PPARGC1A: variants seen among roughly 807,000 people sequenced by gnomAD.
PPARGC1A encodes peroxisome proliferator-activated receptor gamma coactivator 1-alpha.
A neutral mutation model predicts 88.7 loss-of-function variants in PPARGC1A; 25 were observed. That is an observed-to-expected ratio of 0.28 (90% CI 0.21 to 0.39). PPARGC1A has a LOEUF of 0.39. PPARGC1A is among the 10% of genes least tolerant of loss of function. The probability of loss-of-function intolerance (pLI) is 1.00; values close to 1 mark genes in which losing one functional copy is unlikely to be tolerated. For missense variants in PPARGC1A, 880 were observed against 968.7 expected (o/e 0.91, Z 1.22); for synonymous variants, 363 against 355.6 (o/e 1.02, Z -0.24).
chr4:23,901,263 G>A (rs542025800), upstream of PPARGC1A, among the ~76,000 whole-genome samples: 2 of 152,028 alleles, frequency 1.3e-5, no homozygotes, highest in South Asian at 4.2e-4. Context: ...CCAGCTACTA[G>A]GGAGGCTAAG....
At chr4:24,339,943 T>C in the PPARGC1A span, among the ~76,000 whole-genome samples, 1 of 152,106 alleles carries the variant, frequency 6.6e-6, no homozygotes, top group Non-Finnish European at 1.5e-5. Context: ...TTCACCGTGT[T>C]AGCCAGGATG....
chr4:24,187,977 A>T, the PPARGC1A span, among the ~76,000 whole-genome samples: 6 of 152,242 alleles, frequency 3.9e-5, no homozygotes, highest in African/African-American at 1.4e-4. Flanking sequence ...TTGATTAATT[A>T]AAGCTTGTAG....
chr4:24,240,246 A>G, the PPARGC1A span, among the ~76,000 whole-genome samples: 1 of 152,222 alleles, frequency 6.6e-6, no homozygotes, highest in African/African-American at 2.4e-5. Flanking sequence ...TCAGAGGCAT[A>G]GAGACACAGA....
the PPARGC1A span, among the ~76,000 whole-genome samples, chr4:24,307,905 G>C: frequency 1.3e-5 from 2 of 152,144 alleles, no homozygotes; most frequent in Non-Finnish European, 2.9e-5. Context: ...GAGAGACATG[G>C]ACCCTTGCTC....
At chr4:24,154,201 A>G in the PPARGC1A span, among the ~76,000 whole-genome samples, 1 of 152,084 alleles carries the variant, frequency 6.6e-6, no homozygotes, top group African/African-American at 2.4e-5. Flanking sequence ...AACTCACACA[A>G]CTGCATCTTA....
At chr4:23,802,369 G>A (rs763047551) in intron 10 of PPARGC1A, 24 bp from the exon 11 acceptor site, 1 of 1,613,614 alleles carries the variant, frequency 6.2e-7, no homozygotes, top group Non-Finnish European at 8.5e-7. Flanking sequence ...GAAGGAGAGA[G>A]TTCTGGAGTG....
the PPARGC1A span, among the ~76,000 whole-genome samples, chr4:24,064,892 T>C: frequency 6.6e-6 from 1 of 152,128 alleles, no homozygotes; most frequent in African/African-American, 2.4e-5. Flanking sequence ...GGTTAGTGGA[T>C]GTTGGAGTTC....
At chr4:24,211,097 A>G in the PPARGC1A span, among the ~76,000 whole-genome samples, 1 of 152,218 alleles carries the variant, frequency 6.6e-6, no homozygotes, top group African/African-American at 2.4e-5. Context: ...TTAAGGGCAC[A>G]GGCAAGAACT....
chr4:24,355,917 C>A, the PPARGC1A span, among the ~76,000 whole-genome samples: 1 of 152,254 alleles, frequency 6.6e-6, no homozygotes, highest in Admixed American at 6.5e-5. Flanking sequence ...GAGTTTACGG[C>A]GGGGCACGAT....
chr4:23,855,664 C>T (rs10002521), intron 2 of PPARGC1A, among the ~76,000 whole-genome samples: 118,807 of 152,188 alleles, frequency 0.78, 47,215 homozygotes, highest in African/African-American at 0.94. Context: ...GTGACAACCA[C>T]AGCCCAGACC....
the PPARGC1A span, among the ~76,000 whole-genome samples, chr4:24,323,091 A>G: frequency 6.6e-6 from 1 of 152,204 alleles, no homozygotes; most frequent in African/African-American, 2.4e-5. Flanking sequence ...TGGATCCCAA[A>G]TAGATCATTT....
the PPARGC1A span, among the ~76,000 whole-genome samples, chr4:24,324,387 T>C: frequency 3.4e-5 from 5 of 147,660 alleles, no homozygotes; most frequent in Non-Finnish European, 7.5e-5. Flanking sequence ...CTTATTTCCA[T>C]GCCCCAACCC....
intron 10 of PPARGC1A, among the ~76,000 whole-genome samples, chr4:23,811,778 C>A (rs1720932208): frequency 6.6e-6 from 1 of 151,946 alleles, no homozygotes; most frequent in South Asian, 2.1e-4. Flanking sequence ...AATATAATAC[C>A]CCCTGGTAAG....
the PPARGC1A span, among the ~76,000 whole-genome samples, chr4:23,982,561 G>A: frequency 1.3e-5 from 2 of 152,152 alleles, no homozygotes; most frequent in Non-Finnish European, 2.9e-5. Flanking sequence ...TGTGAGCTCA[G>A]CTAAAATTCA....
the PPARGC1A span, among the ~76,000 whole-genome samples, chr4:24,308,292 C>CG: frequency 8.3e-5 from 1 of 12,016 alleles, no homozygotes; most frequent in Non-Finnish European, 1.4e-4. Flanking sequence ...ACTCTGCCAC[C>CG]GAAAAAAAAA....
chr4:24,206,921 T>A, the PPARGC1A span, among the ~76,000 whole-genome samples: 1 of 151,160 alleles, frequency 6.6e-6, no homozygotes, highest in African/African-American at 2.4e-5. Context: ...TTTCCTTTGA[T>A]TTTTATATTT....
chr4:24,214,753 T>C, the PPARGC1A span, among the ~76,000 whole-genome samples: 1 of 152,194 alleles, frequency 6.6e-6, no homozygotes, highest in Non-Finnish European at 1.5e-5. Flanking sequence ...AAGGGAGCAC[T>C]GGAACGCTAA....
chr4:24,231,657 C>T, the PPARGC1A span, among the ~76,000 whole-genome samples: 848 of 152,196 alleles, frequency 5.6e-3, 6 homozygotes, highest in Non-Finnish European at 9.5e-3. Context: ...AACATTCACT[C>T]GGGAAGAAAC....
At chr4:24,323,270 C>A in the PPARGC1A span, among the ~76,000 whole-genome samples, 1 of 152,212 alleles carries the variant, frequency 6.6e-6, no homozygotes, top group Non-Finnish European at 1.5e-5. Context: ...TGAGAAGCTT[C>A]TGGGAACACT....
Sources: allele counts gnomAD v4.1 joint callset (sites outside exome capture counted in the v4.1 genomes callset), GRCh38; gene constraint gnomAD v4.1.1; transcripts MANE v1.5; gene names NCBI Gene and HGNC (gene_info 2026-07-23, HGNC 2026-07-21).